ZNF721: variants seen among roughly 807,000 people sequenced by gnomAD.
ZNF721 encodes zinc finger protein 721.
ZNF721 carries 2 observed loss-of-function variants against 2.4 expected under a neutral mutation model. That is an observed-to-expected ratio of 0.82 (90% CI 0.34 to 2.58). The LOEUF is 2.58. ZNF721 is among the 30% of genes most tolerant of loss of function. The pLI is 0.11. For missense variants in ZNF721, 1,187 were observed against 1,085.5 expected, an observed-to-expected ratio of 1.09 and a Z score of -1.31; for synonymous variants, 398 against 381.8, an observed-to-expected ratio of 1.04 and a Z score of -0.50.
chr4:462,840 T>C (rs11937374), intron 2 of ZNF721, among the ~76,000 whole-genome samples: 11,038 of 152,222 alleles, frequency 0.073, 689 homozygotes, highest in African/African-American at 0.18. Context: ...GACACGGGCA[T>C]GGGCAAAGAC....
chr4:488,770 C>T (rs1330642266), intron 1 of ZNF721, among the ~76,000 whole-genome samples: 11 of 151,940 alleles, frequency 7.2e-5, no homozygotes, highest in African/African-American at 2.4e-4. Context: ...GTGGATGTTG[C>T]AGTGAGCCGA....
intron 2 of ZNF721, among the ~76,000 whole-genome samples, chr4:460,818 ACT>A (rs1182719047): frequency 1.3e-5 from 2 of 152,036 alleles, no homozygotes; most frequent in African/African-American, 4.8e-5. Flanking sequence ...ACGATAAACA[ACT>A]CTACGCAAAT....
intron 2 of ZNF721, among the ~76,000 whole-genome samples, chr4:471,882 ATAGT>A (rs1313270309): frequency 1.3e-5 from 2 of 152,234 alleles, no homozygotes; most frequent in Admixed American, 6.5e-5. Flanking sequence ...CACATTAAAT[ATAGT>A]TAAACAATTT....
intron 1 of ZNF721, among the ~76,000 whole-genome samples, chr4:486,843 A>T (rs186931012): frequency 1.9e-3 from 289 of 152,334 alleles, no homozygotes; most frequent in Non-Finnish European, 3.6e-3. Flanking sequence ...TTCCCAAGAG[A>T]CTTCAGAACC....
At chr4:466,469 C>T (rs1715254436) in intron 2 of ZNF721, among the ~76,000 whole-genome samples, 1 of 152,194 alleles carries the variant, frequency 6.6e-6, no homozygotes, top group Non-Finnish European at 1.5e-5. Flanking sequence ...AAATAATTCA[C>T]TTTCATCTGC....
At position 460,685 on chromosome 4, in the gene ZNF721, AATAG is replaced by A. The variant is rs371078745; in HGVS notation, c.34+11886_34+11889del. ...GGAGGTTTTTTGAAAAGATCAACAA[AATAG>A]ATAGACCACTAGCAACACTACCAAA... is the stretch of plus-strand genomic sequence containing the variant. On this transcript the variant is annotated intron_variant, in intron 2 of 2. Transcript: ENST00000511833. Among the ~76,000 whole-genome samples the A allele has an allele frequency of 7.2e-3, 1,092 of 152,204 alleles. 8 individuals carry two copies. The highest frequency in any genetic ancestry group is 0.065 in the Middle Eastern group (19 of 292).
intron 1 of ZNF721, among the ~76,000 whole-genome samples, chr4:498,048 T>G (rs1716335527): frequency 6.7e-6 from 1 of 148,880 alleles, no homozygotes; most frequent in African/African-American, 2.5e-5. Flanking sequence ...CAACTAAAAA[T>G]ACAAAAATTA....
At chr4:496,803 C>T (rs535815370) in intron 1 of ZNF721, among the ~76,000 whole-genome samples, 1 of 149,910 alleles carries the variant, frequency 6.7e-6, no homozygotes, top group South Asian at 2.1e-4. Context: ...GGCTCCGCCT[C>T]CCGGGTTCAC....
intron 2 of ZNF721, among the ~76,000 whole-genome samples, chr4:468,081 C>CATCCT (rs1715312083): frequency 1.3e-5 from 2 of 152,112 alleles, no homozygotes; most frequent in African/African-American, 2.4e-5. Context: ...AGATCGAGAC[C>CATCCT]GCGGTGAAAC....
chr4:476,010 T>C (rs1311411427), intron 1 of ZNF721, among the ~76,000 whole-genome samples: 2 of 152,198 alleles, frequency 1.3e-5, no homozygotes, highest in African/African-American at 4.8e-5. Flanking sequence ...CAAACTTTTT[T>C]TTACTTTCAT....
At chr4:471,531 T>C (rs1715432957) in intron 2 of ZNF721, among the ~76,000 whole-genome samples, 1 of 152,124 alleles carries the variant, frequency 6.6e-6, no homozygotes, top group African/African-American at 2.4e-5. Context: ...GAAAGTAGAA[T>C]GGCGATTGTT....
intron 1 of ZNF721, among the ~76,000 whole-genome samples, chr4:485,164 C>T (rs572232802): frequency 7.2e-5 from 11 of 152,112 alleles, no homozygotes; most frequent in Non-Finnish European, 1.5e-4. Flanking sequence ...TGAGCTACCA[C>T]GCCCAGCGAG....
chr4:496,939 C>A (rs1198366001), intron 1 of ZNF721, among the ~76,000 whole-genome samples: 3 of 151,858 alleles, frequency 2.0e-5, no homozygotes, highest in Non-Finnish European at 4.4e-5. Context: ...GTCTCGATCT[C>A]CTGACCTCGT....
At chr4:447,900 G>A (rs1471456026) in intron 2 of ZNF721, among the ~76,000 whole-genome samples, 1 of 152,116 alleles carries the variant, frequency 6.6e-6, no homozygotes, top group Non-Finnish European at 1.5e-5. Flanking sequence ...CCCACATTGA[G>A]TTCCAAACAT....
intron 2 of ZNF721, among the ~76,000 whole-genome samples, chr4:468,407 G>T (rs1715323760): frequency 6.6e-6 from 1 of 151,748 alleles, no homozygotes. Context: ...TCCAGCCTGG[G>T]CGACAGAACC....
chr4:461,644 G>T (rs1264538719), intron 2 of ZNF721, among the ~76,000 whole-genome samples: 2 of 151,986 alleles, frequency 1.3e-5, no homozygotes, highest in Non-Finnish European at 2.9e-5. Context: ...AGGCTGAGGT[G>T]GGTGGATCAC....
rs576383432 is a variant in ZNF721 at position 466,615 on chromosome 4, C to G, written c.34+5960G>C. 3.9e-5 allele frequency among the ~76,000 whole-genome samples: 6 copies of G among 152,170 alleles called. No homozygotes were observed. The South Asian group carries it at 8.3e-4, about 21-fold the overall frequency. On this transcript the variant is annotated intron_variant, in intron 2 of 2. Transcript: ENST00000511833. ...GATTTTTTTCTTTCTTAAAATAGTT[C>G]CTGTTTCTGTAGAAATTTCATTTGT...
intron 1 of ZNF721, among the ~76,000 whole-genome samples, chr4:490,318 TACAA>T (rs1466293010): frequency 1.3e-5 from 2 of 151,796 alleles, no homozygotes; most frequent in South Asian, 2.1e-4. Context: ...CTACTAAAAA[TACAA>T]ACAATTAGCC....
chr4:460,449 A>G (rs1030982136), intron 2 of ZNF721, among the ~76,000 whole-genome samples: 1 of 152,200 alleles, frequency 6.6e-6, no homozygotes, highest in Non-Finnish European at 1.5e-5. Context: ...CTTTGGAGGG[A>G]AATCTATACC....
Sources: gnomAD v4.1 joint callset for allele counts (sites outside exome capture counted in the v4.1 genomes callset) on GRCh38, gnomAD v4.1.1 for gene constraint, MANE v1.5 for transcripts, NCBI Gene and HGNC (gene_info 2026-07-23, HGNC 2026-07-21) for gene names.